Variants in ICE2 observed in about 807,000 individuals in gnomAD.
ICE2 encodes the protein little elongation complex subunit 2.
In ICE2, 87 loss-of-function variants were observed where a neutral mutation model predicts 105.4. The ratio of observed to expected loss-of-function variants is 0.83; its 90% confidence interval spans 0.69 to 0.99. ICE2 has a LOEUF of 0.99. Among genes scored for constraint, ICE2 ranks in the 50% least tolerant of loss-of-function variants. The probability of loss-of-function intolerance (pLI) is 0.00; values close to 1 mark genes in which losing one functional copy is unlikely to be tolerated. For synonymous variants in ICE2, 399 were observed against 392.0 expected, an observed-to-expected ratio of 1.02 and a Z score of -0.21; for missense variants, 1,323 against 1,146.7, an observed-to-expected ratio of 1.15 and a Z score of -2.22.
At position 60,455,119 on chromosome 15, in the gene ICE2, TATCTGGAAACAAGCTTCTCTGCATTTGG is replaced by T; in HGVS notation, c.799_826del (p.Pro267IlefsTer5). 1.3e-6 allele frequency: 2 copies of T among 1,591,076 alleles called. No individual in the cohort carries two copies. The highest frequency in any genetic ancestry group is 1.7e-6 in the Non-Finnish European group (2 of 1,173,380). On this transcript the variant is annotated frameshift_variant, in exon 8 of 16. Coordinates refer to ENST00000261520, the MANE Select transcript of ICE2 (RefSeq NM_024611.6). LOFTEE classifies it high-confidence loss of function. ...ACTAGTTAGAGCTATCTGAGGGTGA[TATCTGGAAACAAGCTTCTCTGCATTTGG>T]ATCTTTACTAATATCCTGAAAAACA...
rs1020727412 is a variant in ICE2, at chr15:60,471,088, T to C, written c.147-2766A>G. On this transcript the variant is annotated intron_variant, in intron 3 of 15. Transcript: ENST00000261520. Reference sequence around the variant, plus strand: ...AGATGACAACACTATTTTAGAAATATGTAGGTCCCCAAATAAAGCAAAAAT... The same window carrying C: ...AGATGACAACACTATTTTAGAAATACGTAGGTCCCCAAATAAAGCAAAAAT... 1.2e-4 allele frequency among the ~76,000 whole-genome samples: 18 copies of C among 152,136 alleles called. 1 individual carries two copies. Among genetic ancestry groups the C allele is most frequent in the Admixed American group, 9.8e-4 (15 of 15,272 alleles).
At chr15:60,461,221 A>G (rs896200417) in intron 5 of ICE2, among the ~76,000 whole-genome samples, 2 of 152,196 alleles carry the variant, frequency 1.3e-5, no homozygotes, top group Admixed American at 1.3e-4. Context: ...AATTTTTGAT[A>G]AATTAGACCA....
intron 8 of ICE2, chr15:60,454,591 G>T (rs1240689646): frequency 6.5e-6 from 1 of 154,656 alleles, no homozygotes; most frequent in African/African-American, 2.4e-5. Context: ...TTCACTGAAT[G>T]TGTCAAACTT....
chr15:60,444,881 C>T (rs1358968677), intron 11 of ICE2, among the ~76,000 whole-genome samples: 1 of 152,140 alleles, frequency 6.6e-6, no homozygotes, highest in East Asian at 1.9e-4. Flanking sequence ...GATGGGGTTT[C>T]ACCACGTGGG....
Position 60,423,709 on chromosome 15 carries a change from T to G in ICE2, c.2874A>C (p.Glu958Asp). ...GAGCAGGCAAGCAACTGCTTTTGGT[T>G]TCCATGGAAACTGGATTCCTGTGGC... is the stretch of plus-strand genomic sequence containing the variant. ...TRSHRNPVSM[E>D]TKSSCLPAQQ... The change falls in exon 16 of 16, where the codon GAA becomes GAC. Residue 958 changes from glutamate to aspartate, a missense_variant. Glu to Asp is a conservative substitution (Grantham distance 45). Transcript: ENST00000261520. 1 of 1,602,616 alleles carries G rather than the reference T, an allele frequency of 6.2e-7. No homozygotes were observed. Among genetic ancestry groups the G allele is most frequent in the South Asian group, 1.1e-5 (1 of 88,568 alleles).
intron 15 of ICE2, among the ~76,000 whole-genome samples, chr15:60,424,817 T>C (rs1390985225): frequency 1.3e-5 from 2 of 152,240 alleles, no homozygotes; most frequent in Non-Finnish European, 2.9e-5. Flanking sequence ...AGGTGGTCTA[T>C]TCTTAATACA....
chr15:60,456,670 G>GTT lies in ICE2; in HGVS notation c.651_652dup (p.Thr218LysfsTer9). On this transcript the variant is annotated frameshift_variant, in exon 6 of 16. Transcript: ENST00000261520. LOFTEE classifies it high-confidence loss of function. Reference sequence around the variant, plus strand: ...AATAAACCTTACCAATGCGAGAAGAGTTTTTTCTAACTTTAATCCCATCTC... The same window carrying GTT: ...AATAAACCTTACCAATGCGAGAAGAGTTTTTTTTCTAACTTTAATCCCATCTC... The GTT allele has an allele frequency of 6.3e-7, 1 of 1,584,726 alleles. No homozygotes were observed. Among genetic ancestry groups the GTT allele is most frequent in the South Asian group, 1.1e-5 (1 of 87,134 alleles).
chr15:60,432,391 T>C (rs2063482373), intron 13 of ICE2, among the ~76,000 whole-genome samples: 1 of 151,750 alleles, frequency 6.6e-6, no homozygotes, highest in Non-Finnish European at 1.5e-5. Context: ...GGTTTCACCA[T>C]GTTGGCCAGG....
intron 8 of ICE2, 75 bp from the exon 9 acceptor site, chr15:60,453,859 C>T: frequency 1.8e-6 from 2 of 1,141,592 alleles, no homozygotes; most frequent in East Asian, 2.4e-5. Context: ...GGATGTATGA[C>T]ATGAGGATCA....
At chr15:60,440,094 T>C (rs1011922742) in intron 12 of ICE2, 7 of 152,258 alleles carry the variant, frequency 4.6e-5, no homozygotes, top group African/African-American at 1.7e-4. Context: ...CACACTCTGC[T>C]TTCTGTGCAT....
intron 2 of ICE2, 71 bp downstream of exon 2, chr15:60,477,866 C>G (rs2064809631): frequency 1.5e-6 from 2 of 1,320,872 alleles, no homozygotes; most frequent in South Asian, 1.2e-5. Flanking sequence ...TGCCAGAAAT[C>G]TATTTTCTTA....
chr15:60,441,445 A>C (rs1241694450), intron 12 of ICE2: 1 of 152,264 alleles, frequency 6.6e-6, no homozygotes, highest in African/African-American at 2.4e-5. Flanking sequence ...ACATACAAGC[A>C]ATCAAGCTAT....
At chr15:60,429,383 T>C (rs2063406375) in intron 14 of ICE2, among the ~76,000 whole-genome samples, 1 of 152,214 alleles carries the variant, frequency 6.6e-6, no homozygotes, top group African/African-American at 2.4e-5. Flanking sequence ...TAGGCTTAGA[T>C]ATAAACCCAG....
chr15:60,468,169 G>A lies in ICE2; in HGVS notation c.300C>T (p.Phe100=), dbSNP rs767746060. The A allele has an allele frequency of 1.9e-6, 3 of 1,613,904 alleles. No homozygotes were observed. Among genetic ancestry groups the A allele is most frequent in the Non-Finnish European group, 2.5e-6 (3 of 1,179,964 alleles). The change falls in exon 4 of 16, where the codon TTC becomes TTT. Residue 100 remains phenylalanine, a synonymous_variant. Transcript: ENST00000261520. ...PRVPYPRFSR[F]SQREQRSYVD... is the part of the protein sequence containing the mutation. ...CATAACTCCTCTGCTCTCTCTGTGA[G>A]AAACGAGAGAAACGAGGATAAGGAA...
Position 60,423,627 on chromosome 15 carries a change from A to G in ICE2, c.*7T>C, listed in dbSNP as rs1223355497. 20 of 1,602,920 alleles carry G rather than the reference A, an allele frequency of 1.2e-5. No individual in the cohort carries two copies. The highest frequency in any genetic ancestry group is 1.7e-5 in the Non-Finnish European group (20 of 1,176,128). On this transcript the variant is annotated 3_prime_UTR_variant, in exon 16 of 16. Transcript: ENST00000261520. ...TTTTTTAAATTTAGTTTTCCATGGT[A>G]CAGTCCTCAAGTTATTTTTCTTTTA... is the stretch of plus-strand genomic sequence containing the variant.
At chr15:60,454,821 A>C (rs1436903516) in intron 8 of ICE2, 182 bp downstream of exon 8, 1 of 483,442 alleles carries the variant, frequency 2.1e-6, no homozygotes, top group Non-Finnish European at 3.6e-6. Context: ...GCCCTGCACG[A>C]ATTAGGTATT....
Position 60,478,032 on chromosome 15 carries a change from A to G in ICE2, c.-55T>C. On this transcript the variant is annotated 5_prime_UTR_variant, in exon 2 of 16. Transcript: ENST00000261520. Reference sequence around the variant, plus strand: ...ACAGTTCACAGCTGCCTGGCTGCGAAGGCTCCAAGAGGCAGGATCCCTCCA... The same window carrying G: ...ACAGTTCACAGCTGCCTGGCTGCGAGGGCTCCAAGAGGCAGGATCCCTCCA... The G allele has an allele frequency of 6.6e-7, 1 of 1,506,022 alleles. No individual in the cohort carries two copies. The highest frequency in any genetic ancestry group is 1.1e-5 in the South Asian group (1 of 89,022). 93.3% of individuals were successfully genotyped at this position (1,506,022 alleles called of 1,614,324 possible). A position where few individuals can be genotyped will look rare whatever the true frequency, so the allele number is the denominator to read the frequency against.
intron 5 of ICE2, among the ~76,000 whole-genome samples, chr15:60,463,096 A>T (rs2064324368): frequency 6.6e-6 from 1 of 152,236 alleles, no homozygotes; most frequent in African/African-American, 2.4e-5. Flanking sequence ...AAATATAAGT[A>T]TTGTGAGCAT....
At position 60,442,296 on chromosome 15, in the gene ICE2, T is replaced by C. The variant is rs1323421575; in HGVS notation, c.2425+120A>G. 3.3e-6 allele frequency: 3 copies of C among 911,260 alleles called. No homozygotes were observed. The African/African-American group carries it at 5.1e-5, about 16-fold the overall frequency. The allele number at this position is 911,260 out of a possible 1,614,324, so 56.4% of individuals were successfully genotyped here. A position where few individuals can be genotyped will look rare whatever the true frequency, so the allele number is the denominator to read the frequency against. On this transcript the variant is annotated intron_variant, in intron 12 of 15. Transcript: ENST00000261520. ...CAACAGAATGAGACCCTAAAACTAA[T>C]AAATACATAAATAAAAACGAAAGTA...
Sources: allele counts gnomAD v4.1 joint callset (sites outside exome capture counted in the v4.1 genomes callset), GRCh38; gene constraint gnomAD v4.1.1; transcripts MANE v1.5; gene names NCBI Gene and HGNC (gene_info 2026-07-23, HGNC 2026-07-21).